The following STRN variants were observed in gnomAD, a reference collection of about 807,000 sequenced individuals.
The protein encoded by STRN is striatin, also known as protein phosphatase 2 regulatory subunit B'''alpha.
Under a neutral mutation model 96.3 loss-of-function variants are expected in STRN, and 53 were observed. The observed-to-expected ratio is 0.55, with a 90% confidence interval of 0.44 to 0.69. The LOEUF (loss-of-function observed/expected upper bound fraction) is 0.69, where lower values mean the gene tolerates loss of function less well. Among genes scored for constraint, STRN ranks in the 30% least tolerant of loss-of-function variants. The pLI, the probability that STRN is intolerant of heterozygous loss-of-function variation, is 0.00. For missense variants in STRN, 987 were observed against 963.9 expected, an observed-to-expected ratio of 1.02 and a Z score of -0.32; for synonymous variants, 428 against 355.9, an observed-to-expected ratio of 1.20 and a Z score of -2.28.
chr2:36,952,162 G>C (rs926621388), intron 1 of STRN, among the ~76,000 whole-genome samples: 1 of 152,166 alleles, frequency 6.6e-6, no homozygotes. Flanking sequence ...CTTACATTGG[G>C]AAAGGACTAT....
chr2:36,937,169 C>A (rs1215521409), intron 1 of STRN, among the ~76,000 whole-genome samples: 3 of 151,588 alleles, frequency 2.0e-5, no homozygotes, highest in African/African-American at 7.3e-5. Context: ...CATGGAGAAA[C>A]CCTGTCTCTA....
chr2:36,869,831 C>G (rs1668718860), intron 10 of STRN, 102 bp from the exon 11 acceptor site: 5 of 898,300 alleles, frequency 5.6e-6, no homozygotes, highest in Non-Finnish European at 7.6e-6. Context: ...AATAAACGAT[C>G]ACTTTGCAAT....
chr2:36,963,213 G>A (rs1039015403), intron 1 of STRN, among the ~76,000 whole-genome samples: 1 of 152,218 alleles, frequency 6.6e-6, no homozygotes, highest in Non-Finnish European at 1.5e-5. Context: ...AGTAAAGGCA[G>A]GCCAGGCAGA....
intron 3 of STRN, among the ~76,000 whole-genome samples, chr2:36,908,878 G>A (rs1439604993): frequency 6.6e-6 from 1 of 152,078 alleles, no homozygotes; most frequent in Non-Finnish European, 1.5e-5. Context: ...CTACTCAGGA[G>A]GCTGAGGCAG....
At chr2:36,854,513 C>A (rs1208515919) in intron 15 of STRN, among the ~76,000 whole-genome samples, 2 of 152,080 alleles carry the variant, frequency 1.3e-5, no homozygotes, top group African/African-American at 2.4e-5. Flanking sequence ...AGTGAGAACA[C>A]CACAAGAACA....
chr2:36,945,620 G>A (rs914897836), intron 1 of STRN, among the ~76,000 whole-genome samples: 1 of 151,736 alleles, frequency 6.6e-6, no homozygotes, highest in Non-Finnish European at 1.5e-5. Flanking sequence ...AGCCAAGATC[G>A]CAACACTGCA....
chr2:36,897,462 G>A (rs12479223), intron 6 of STRN, among the ~76,000 whole-genome samples: 129,669 of 150,622 alleles, frequency 0.86, 57,506 homozygotes, highest in Non-Finnish European at 0.96. Context: ...TTTTGAGACA[G>A]TCTCGCTCTG....
Position 36,842,343 on chromosome 2 carries a change from T to C in STRN, c.*7113A>G, listed in dbSNP as rs953757841. ...AACCTGGTACATACACTAGATTTTA[T>C]GATGGCATAAGAAATTATAGCACAT... On this transcript the variant is annotated 3_prime_UTR_variant, in exon 18 of 18. Coordinates refer to ENST00000263918, the MANE Select transcript of STRN (RefSeq NM_003162.4). The C allele has an allele frequency of 1.3e-5, 2 of 152,214 alleles. No individual in the cohort carries two copies. Among genetic ancestry groups the C allele is most frequent in the Non-Finnish European group, 2.9e-5 (2 of 68,044 alleles). 9.4% of individuals were successfully genotyped at this position (152,214 alleles called of 1,614,324 possible).
intron 1 of STRN, among the ~76,000 whole-genome samples, chr2:36,957,754 T>TG (rs1664929137): frequency 1.0e-5 from 1 of 99,768 alleles, no homozygotes; most frequent in Non-Finnish European, 2.1e-5. Flanking sequence ...CTTTTTTTTT[T>TG]TTTTTTTTTT....
intron 5 of STRN, among the ~76,000 whole-genome samples, chr2:36,901,692 A>G (rs1316639635): frequency 6.6e-6 from 1 of 152,214 alleles, no homozygotes. Context: ...ATTTACAAAT[A>G]TAAGTTAATG....
intron 16 of STRN, 122 bp downstream of exon 16, chr2:36,850,878 A>G (rs1472123980): frequency 1.6e-6 from 1 of 624,458 alleles, no homozygotes; most frequent in African/African-American, 1.9e-5. Context: ...ACGGGAGAGT[A>G]TTTGGGGTTC....
Position 36,867,769 on chromosome 2 carries a change from T to A in STRN, c.1547+45A>T. On this transcript the variant is annotated intron_variant, in intron 12 of 17. Transcript: ENST00000263918. ...AAATAAAATATCCTAACCAGGCTAT[T>A]TTACAGAGATATCGGTTTAAAATAA... 6 of 1,326,632 alleles carry A rather than the reference T, an allele frequency of 4.5e-6. No homozygotes were observed. In the South Asian group the frequency reaches 8.8e-5, roughly 19 times the overall value. The allele number at this position is 1,326,632 out of a possible 1,614,324, so 82.2% of individuals were successfully genotyped here.
intron 13 of STRN, among the ~76,000 whole-genome samples, chr2:36,859,408 T>G (rs976741217): frequency 3.3e-5 from 5 of 152,066 alleles, no homozygotes; most frequent in African/African-American, 1.2e-4. Flanking sequence ...AATTAGTAAG[T>G]GGGGACAGTG....
chr2:36,882,590 AAC>A (rs1399586544), intron 9 of STRN, among the ~76,000 whole-genome samples: 1 of 152,120 alleles, frequency 6.6e-6, no homozygotes, highest in Admixed American at 6.6e-5. Flanking sequence ...AACATGGCAA[AAC>A]CATGTCTCTA....
In STRN at chr2:36,905,358, G is replaced by A. The variant is rs563146861; in HGVS notation, c.491+182C>T. 7.9e-5 allele frequency among the ~76,000 whole-genome samples: 12 copies of A among 152,212 alleles called. No individual in the cohort carries two copies. The East Asian group carries it at 1.5e-3, about 20-fold the overall frequency. On this transcript the variant is annotated intron_variant, in intron 4 of 17. Coordinates refer to ENST00000263918, the MANE Select transcript of STRN (RefSeq NM_003162.4). Reference sequence around the variant, plus strand: ...AAAGTTATAAAATTCTTTTAACTACGTAAGTTCTACCACACAGAAAAAGTA... The same window carrying A: ...AAAGTTATAAAATTCTTTTAACTACATAAGTTCTACCACACAGAAAAAGTA...
chr2:36,884,698 C>T (rs1450045017), intron 8 of STRN, among the ~76,000 whole-genome samples: 1 of 152,016 alleles, frequency 6.6e-6, no homozygotes, highest in Admixed American at 6.6e-5. Context: ...TATTTTTAAG[C>T]AATTTTTACT....
At chr2:36,963,263 C>G (rs1288096878) in intron 1 of STRN, among the ~76,000 whole-genome samples, 1 of 152,092 alleles carries the variant, frequency 6.6e-6, no homozygotes, top group Non-Finnish European at 1.5e-5. Context: ...TCCCTGGCAA[C>G]CTGAAAGAGC....
At chr2:36,882,594 A>G (rs985993966) in intron 9 of STRN, among the ~76,000 whole-genome samples, 2 of 152,104 alleles carry the variant, frequency 1.3e-5, no homozygotes, top group East Asian at 3.9e-4. Context: ...TGGCAAAACC[A>G]TGTCTCTACA....
chr2:36,942,635 G>T (rs527473654), intron 1 of STRN, among the ~76,000 whole-genome samples: 1 of 152,092 alleles, frequency 6.6e-6, no homozygotes, highest in Admixed American at 6.5e-5. Context: ...ACAATACCAC[G>T]AACAAGGTAT....
Sources: gnomAD v4.1 joint callset for allele counts (sites outside exome capture counted in the v4.1 genomes callset) on GRCh38, gnomAD v4.1.1 for gene constraint, MANE v1.5 for transcripts, NCBI Gene and HGNC (gene_info 2026-07-23, HGNC 2026-07-21) for gene names.